PPA2: variants seen among roughly 807,000 people sequenced by gnomAD.
The protein encoded by PPA2 is inorganic pyrophosphatase 2, mitochondrial.
PPA2 carries 48 observed loss-of-function variants against 49.5 expected under a neutral mutation model. The observed-to-expected ratio is 0.97, with a 90% CI of 0.77 to 1.23. The LOEUF is 1.23. Ranked by LOEUF, PPA2 falls within the 50% of genes most tolerant of loss-of-function variation. The probability of loss-of-function intolerance (pLI) is 0.00; values close to 1 mark genes in which losing one functional copy is unlikely to be tolerated. For missense variants in PPA2, 429 were observed against 410.1 expected, an observed-to-expected ratio of 1.05 and a Z score of -0.40; for synonymous variants, 131 against 139.9, an observed-to-expected ratio of 0.94 and a Z score of 0.45.
At chr4:105,439,717 G>A (rs1724248840) in intron 5 of PPA2, among the ~76,000 whole-genome samples, 1 of 151,966 alleles carries the variant, frequency 6.6e-6, no homozygotes, top group South Asian at 2.1e-4. Flanking sequence ...TTAAGTTTTA[G>A]GGTACATGTG....
At chr4:105,397,651 G>A (rs72964242) in intron 8 of PPA2, among the ~76,000 whole-genome samples, 5,425 of 152,172 alleles carry the variant, frequency 0.036, 323 homozygotes, top group African/African-American at 0.12. Flanking sequence ...GATAATGGGG[G>A]TGGATCCCTC....
chr4:105,419,942 CTTCT>C (rs1467161488), intron 7 of PPA2, among the ~76,000 whole-genome samples: 25 of 140,308 alleles, frequency 1.8e-4, no homozygotes. Context: ...CAAATAACAG[CTTCT>C]TTTTCTTTCT....
intron 9 of PPA2, among the ~76,000 whole-genome samples, chr4:105,396,047 C>G (rs1578813991): frequency 6.6e-6 from 1 of 152,056 alleles, no homozygotes; most frequent in African/African-American, 2.4e-5. Flanking sequence ...AGTATTCCCA[C>G]TAAATTATAA....
At chr4:105,381,258 A>T (rs538756511) in intron 10 of PPA2, among the ~76,000 whole-genome samples, 57 of 152,166 alleles carry the variant, frequency 3.7e-4, no homozygotes, top group Admixed American at 9.8e-4. Context: ...GAGTTTGAAT[A>T]AGTTATTATT....
chr4:105,382,690 TA>T (rs1404603475), intron 10 of PPA2, among the ~76,000 whole-genome samples: 2 of 151,872 alleles, frequency 1.3e-5, no homozygotes, highest in Non-Finnish European at 2.9e-5. Context: ...GTTAAAAAAA[TA>T]AAAAAACTTT....
intron 1 of PPA2, among the ~76,000 whole-genome samples, chr4:105,470,312 T>C (rs1176652291): frequency 1.3e-5 from 2 of 152,198 alleles, no homozygotes; most frequent in Middle Eastern, 3.2e-3. Flanking sequence ...AGACTGCAAG[T>C]ACCCATTAAA....
chr4:105,430,915 T>C (rs1360368986), intron 6 of PPA2, among the ~76,000 whole-genome samples: 1 of 152,208 alleles, frequency 6.6e-6, no homozygotes, highest in East Asian at 1.9e-4. Flanking sequence ...ATATTATCCC[T>C]GTCTTGGAAA....
intron 6 of PPA2, among the ~76,000 whole-genome samples, chr4:105,426,871 G>T (rs1436382758): frequency 6.6e-6 from 1 of 152,202 alleles, no homozygotes; most frequent in African/African-American, 2.4e-5. Flanking sequence ...CATGGCATTT[G>T]AGCTCCGATA....
At chr4:105,435,203 G>A (rs572157140) in intron 6 of PPA2, among the ~76,000 whole-genome samples, 3 of 152,288 alleles carry the variant, frequency 2.0e-5, no homozygotes, top group South Asian at 2.1e-4. Context: ...AGCCAGGCAT[G>A]AAAGAAAGGA....
intron 7 of PPA2, among the ~76,000 whole-genome samples, chr4:105,419,759 T>A (rs1307465299): frequency 2.0e-5 from 3 of 147,316 alleles, no homozygotes; most frequent in African/African-American, 8.1e-5. Context: ...TCAAAAAAAA[T>A]AAAAGTTATT....
In PPA2 at chr4:105,461,841, G is replaced by A. The variant is rs183194838; in HGVS notation, c.158-5096C>T. On this transcript the variant is annotated intron_variant, in intron 1 of 11. Coordinates refer to ENST00000341695, the MANE Select transcript of PPA2 (RefSeq NM_176869.3). ...TGCTACACAGTGATCCACGCCCATA[G>A]CTAAGACAAGACACGTTACATCACT... 2.0e-5 allele frequency among the ~76,000 whole-genome samples: 3 copies of A among 152,310 alleles called. No individual in the cohort carries two copies. In the East Asian group the frequency reaches 5.8e-4, roughly 29 times the overall value.
At chr4:105,423,441 A>T (rs1195647234) in intron 7 of PPA2, 2 of 152,216 alleles carry the variant, frequency 1.3e-5, no homozygotes, top group Admixed American at 1.3e-4. Context: ...GAATAATAAT[A>T]GTTGTCATAT....
intron 5 of PPA2, among the ~76,000 whole-genome samples, chr4:105,438,314 G>C (rs1359377161): frequency 1.3e-5 from 2 of 152,160 alleles, no homozygotes. Context: ...TTCAGTCAGG[G>C]AATAAATTCA....
In PPA2 at chr4:105,399,133, A is replaced by T. The variant is rs1227049464; in HGVS notation, c.687T>A (p.Gly229=). ...DIDDVKKFKP[G]YLEATLNWFR... ...ACCAATTAAGAGTAGCTTCCAGGTA[A>T]CCCGGTTTGAACTTCTTAACATCAT... is the stretch of plus-strand genomic sequence containing the variant. Residue 229 remains glycine (G), a synonymous_variant, in exon 8 of 12, where the codon GGT becomes GGA. Transcript: ENST00000341695. 1 of 1,608,694 alleles carries T rather than the reference A, an allele frequency of 6.2e-7. No homozygotes were observed. Among genetic ancestry groups the T allele is most frequent in the African/African-American group, 1.3e-5 (1 of 74,618 alleles).
intron 6 of PPA2, among the ~76,000 whole-genome samples, chr4:105,432,604 G>T (rs1461418683): frequency 6.6e-6 from 1 of 152,210 alleles, no homozygotes; most frequent in Non-Finnish European, 1.5e-5. Context: ...GGCAGAAGGG[G>T]ATAGGGCAAG....
At chr4:105,419,516 T>TGCC (rs2092438799) in intron 7 of PPA2, among the ~76,000 whole-genome samples, 1 of 152,244 alleles carries the variant, frequency 6.6e-6, no homozygotes, top group Non-Finnish European at 1.5e-5. Flanking sequence ...TTACAGTGGC[T>TGCC]ACTCCATTTT....
At chr4:105,438,576 A>G (rs1192743910) in intron 5 of PPA2, among the ~76,000 whole-genome samples, 1 of 152,236 alleles carries the variant, frequency 6.6e-6, no homozygotes, top group African/African-American at 2.4e-5. Context: ...TCAAATCTCA[A>G]GGACCTTGAT....
intron 5 of PPA2, chr4:105,446,066 G>A (rs140082603): frequency 9.9e-4 from 205 of 206,950 alleles, no homozygotes; most frequent in African/African-American, 4.6e-3. Context: ...TCAAAGGAAT[G>A]ACTGTAGATA....
intron 10 of PPA2, among the ~76,000 whole-genome samples, chr4:105,380,753 T>C: frequency 6.6e-6 from 1 of 151,318 alleles, no homozygotes. Context: ...TCATAAAAAA[T>C]ATGTCTATTG....
Sources: allele counts gnomAD v4.1 joint callset (sites outside exome capture counted in the v4.1 genomes callset), GRCh38; gene constraint gnomAD v4.1.1; transcripts MANE v1.5; gene names NCBI Gene and HGNC (gene_info 2026-07-23, HGNC 2026-07-21).